The following UGGT1 variants were observed in gnomAD, a reference collection of about 807,000 sequenced individuals.
UGGT1 encodes UDP-glucose:glycoprotein glucosyltransferase 1.
UGGT1 carries 107 observed loss-of-function variants against 203.9 expected under a neutral mutation model. The ratio of observed to expected loss-of-function variants is 0.52; its 90% CI spans 0.45 to 0.62. The LOEUF is 0.62. UGGT1 is among the 20% of genes least tolerant of loss of function. UGGT1 has a pLI of 0.00. For synonymous variants in UGGT1, 628 were observed against 653.5 expected (o/e 0.96, Z 0.59); for missense variants, 1,673 against 1,867.2 (o/e 0.90, Z 1.92).
intron 34 of UGGT1, 41 bp from the exon 35 acceptor site, chr2:128,179,745 C>T (rs1558825495): frequency 6.5e-7 from 1 of 1,537,014 alleles, no homozygotes; most frequent in South Asian, 1.1e-5. Context: ...GGTTAAATAA[C>T]ATTGGAAAGC....
rs146542213 is a variant in UGGT1, at chr2:128,147,701, C to T, written c.2016+1734C>T. ...TCTTAGCTCACTGTGGCCTCCAACTCCTGGACTTAAATGATCTTCCCAACT... is the reference window on the plus strand; with the variant it reads ...TCTTAGCTCACTGTGGCCTCCAACTTCTGGACTTAAATGATCTTCCCAACT... On this transcript the variant is annotated intron_variant, in intron 18 of 40. Transcript: ENST00000259253. Among the ~76,000 whole-genome samples, 726 of 151,954 alleles carry T rather than the reference C, an allele frequency of 4.8e-3. 6 individuals are homozygous for T. Among genetic ancestry groups the T allele is most frequent in the African/African-American group, 0.013 (557 of 41,450 alleles).
At chr2:128,169,337 C>T (rs984227006) in intron 26 of UGGT1, among the ~76,000 whole-genome samples, 1 of 152,176 alleles carries the variant, frequency 6.6e-6, no homozygotes, top group Non-Finnish European at 1.5e-5. Flanking sequence ...CGCCACTGCA[C>T]TCCAGCCTGG....
chr2:128,131,468 A>G (rs1291314690), intron 13 of UGGT1, among the ~76,000 whole-genome samples: 3 of 151,510 alleles, frequency 2.0e-5, no homozygotes, highest in Admixed American at 6.6e-5. Context: ...CTCCTGAACA[A>G]TTGCTCTTTG....
chr2:128,122,974 A>G (rs1053948930), intron 10 of UGGT1, among the ~76,000 whole-genome samples: 1 of 152,212 alleles, frequency 6.6e-6, no homozygotes, highest in African/African-American at 2.4e-5. Context: ...TTATAATGCT[A>G]TAGCTGCTAC....
rs148090199 is a variant in UGGT1 at position 128,163,916 on chromosome 2, C to T, written c.2826-814C>T. 5.1e-3 allele frequency among the ~76,000 whole-genome samples: 769 copies of T among 152,260 alleles called. 9 individuals are homozygous for T. Among genetic ancestry groups the T allele is most frequent in the African/African-American group, 0.016 (679 of 41,534 alleles). On this transcript the variant is annotated intron_variant, in intron 25 of 40. Coordinates refer to ENST00000259253, the MANE Select transcript of UGGT1 (RefSeq NM_020120.4). ...GAAATAGGCTGGGCACGGTGGCTCA[C>T]ACCTGTAATCCCAGCACTTTGGGAG... is the stretch of plus-strand genomic sequence containing the variant.
At chr2:128,106,708 C>T (rs769446990) in intron 3 of UGGT1, among the ~76,000 whole-genome samples, 5 of 152,098 alleles carry the variant, frequency 3.3e-5, no homozygotes, top group Admixed American at 6.6e-5. Flanking sequence ...TGCCACCTCC[C>T]GTGGCTAATT....
At chr2:128,103,379 T>G (rs1243152050) in intron 2 of UGGT1, among the ~76,000 whole-genome samples, 1 of 152,216 alleles carries the variant, frequency 6.6e-6, no homozygotes, top group East Asian at 1.9e-4. Flanking sequence ...GATCTGATTT[T>G]GTTAGATCAG....
intron 18 of UGGT1, chr2:128,151,111 A>G: frequency 6.2e-6 from 2 of 322,874 alleles, no homozygotes; most frequent in East Asian, 7.5e-5. Context: ...TCAGCCTCCC[A>G]AAGTGCTGGG....
chr2:128,173,259 G>A (rs1009833435), intron 29 of UGGT1, among the ~76,000 whole-genome samples: 6 of 152,240 alleles, frequency 3.9e-5, no homozygotes, highest in East Asian at 1.9e-4. Context: ...GACATATCAC[G>A]TTTCATTTAT....
intron 38 of UGGT1, among the ~76,000 whole-genome samples, chr2:128,185,497 A>G (rs564675875): frequency 9.8e-4 from 115 of 117,460 alleles, no homozygotes; most frequent in African/African-American, 4.0e-3. Context: ...TTTTTTAGAC[A>G]AGGTCTCACT....
At position 128,096,799 on chromosome 2, in the gene UGGT1, T is replaced by C. The variant is rs1039771306; in HGVS notation, c.59-630T>C. Among the ~76,000 whole-genome samples the C allele has an allele frequency of 3.3e-5, 5 of 152,344 alleles. No homozygotes were observed. The South Asian group carries it at 1.0e-3, about 32-fold the overall frequency. On this transcript the variant is annotated intron_variant, in intron 1 of 40. Coordinates refer to ENST00000259253, the MANE Select transcript of UGGT1 (RefSeq NM_020120.4). ...CTCAGCTTTATTTGCTTTCATCCTT[T>C]ATAAAATATGGTTGTGTGCAACCTG...
chr2:128,104,796 G>A (rs978589836), intron 3 of UGGT1, among the ~76,000 whole-genome samples: 9 of 152,058 alleles, frequency 5.9e-5, no homozygotes, highest in Middle Eastern at 3.4e-3. Flanking sequence ...ACAGGCATTC[G>A]CCACTACGCC....
chr2:128,108,774 C>T (rs1687718942), intron 4 of UGGT1, among the ~76,000 whole-genome samples: 1 of 152,150 alleles, frequency 6.6e-6, no homozygotes, highest in South Asian at 2.1e-4. Flanking sequence ...GAAAGCCCTC[C>T]GTGTACTTTG....
At chr2:128,125,664 A>T (rs1486185856) in intron 11 of UGGT1, among the ~76,000 whole-genome samples, 4 of 152,160 alleles carry the variant, frequency 2.6e-5, no homozygotes, top group Non-Finnish European at 4.4e-5. Context: ...TGTTCAATTC[A>T]CTATCTTTAC....
At chr2:128,097,627 A>T in intron 2 of UGGT1, 63 bp downstream of exon 2, 1 of 1,581,110 alleles carries the variant, frequency 6.3e-7, no homozygotes, top group Admixed American at 1.8e-5. Context: ...GACAGTGAAC[A>T]TTCAGGAGCT....
chr2:128,172,876 C>T (rs1220406556), intron 29 of UGGT1, 114 bp downstream of exon 29: 2 of 997,052 alleles, frequency 2.0e-6, no homozygotes, highest in Non-Finnish European at 2.9e-6. Flanking sequence ...TTTTTTTAAA[C>T]AACAGCTTTA....
intron 5 of UGGT1, 50 bp downstream of exon 5, chr2:128,109,796 T>G: frequency 2.0e-6 from 3 of 1,479,506 alleles, no homozygotes; most frequent in Non-Finnish European, 2.8e-6. Flanking sequence ...CAGTGCTGCT[T>G]CTGCATTTGG....
rs1482044061 is a variant in UGGT1 at position 128,193,602 on chromosome 2, G to T, written c.*3860G>T. The T allele has an allele frequency of 2.0e-5, 3 of 152,222 alleles. No individual in the cohort carries two copies. The highest frequency in any genetic ancestry group is 4.4e-5 in the Non-Finnish European group (3 of 68,100). The allele number at this position is 152,222 out of a possible 1,614,324, so 9.4% of individuals were successfully genotyped here. ...CCTTGTCAAGGCTCTGCCTGAATGA[G>T]TTTTCATCTGATTGTGGGGACCAAG... is the stretch of plus-strand genomic sequence containing the variant. On this transcript the variant is annotated 3_prime_UTR_variant, in exon 41 of 41. Transcript: ENST00000259253.
intron 22 of UGGT1, among the ~76,000 whole-genome samples, chr2:128,158,185 G>A (rs1460222646): frequency 2.0e-5 from 3 of 152,222 alleles, no homozygotes; most frequent in Non-Finnish European, 4.4e-5. Flanking sequence ...TGGTAGTAGG[G>A]TAGGAGAATG....
Sources: gnomAD v4.1 joint callset for allele counts (sites outside exome capture counted in the v4.1 genomes callset) on GRCh38, gnomAD v4.1.1 for gene constraint, MANE v1.5 for transcripts, NCBI Gene and HGNC (gene_info 2026-07-23, HGNC 2026-07-21) for gene names.